The following RSPO2 variants were observed in gnomAD, a reference collection of about 807,000 sequenced individuals.
The protein encoded by RSPO2 is R-spondin-2.
In RSPO2, 14 loss-of-function variants were observed where a neutral mutation model predicts 30.9. That is an observed-to-expected ratio of 0.45 (90% confidence interval 0.30 to 0.71). The LOEUF (loss-of-function observed/expected upper bound fraction) is 0.71. Among genes scored for constraint, RSPO2 ranks in the 30% least tolerant of loss-of-function variants. RSPO2 has a pLI of 0.08. For missense variants in RSPO2, 264 were observed against 301.9 expected (o/e 0.87, Z 0.93); for synonymous variants, 107 against 96.4 (o/e 1.11, Z -0.64).
intron 5 of RSPO2, among the ~76,000 whole-genome samples, chr8:107,905,911 G>A (rs546165809): frequency 2.0e-5 from 3 of 151,696 alleles, no homozygotes; most frequent in African/African-American, 4.8e-5. Context: ...AAAAATAGAC[G>A]AGACCTAAAC....
chr8:107,959,174 C>T (rs1813539593), intron 4 of RSPO2, among the ~76,000 whole-genome samples: 1 of 152,136 alleles, frequency 6.6e-6, no homozygotes, highest in Non-Finnish European at 1.5e-5. Context: ...GGGGAGCTTG[C>T]TTTGCATTTT....
intron 5 of RSPO2, among the ~76,000 whole-genome samples, chr8:107,919,276 T>C (rs1333175542): frequency 3.3e-5 from 5 of 152,128 alleles, no homozygotes; most frequent in Non-Finnish European, 7.3e-5. Context: ...GAAACTACCA[T>C]TGCAAAATTA....
At chr8:107,940,328 T>C (rs1812859608) in intron 5 of RSPO2, among the ~76,000 whole-genome samples, 1 of 152,120 alleles carries the variant, frequency 6.6e-6, no homozygotes, top group South Asian at 2.1e-4. Context: ...TAACAGACAC[T>C]AGCCAGAAAT....
intron 2 of RSPO2, among the ~76,000 whole-genome samples, chr8:108,073,447 T>A (rs1255529868): frequency 6.6e-6 from 1 of 152,184 alleles, no homozygotes; most frequent in African/African-American, 2.4e-5. Flanking sequence ...TAAAATGTGC[T>A]GACACAGAAA....
chr8:108,066,694 A>C (rs1812681179), intron 2 of RSPO2, among the ~76,000 whole-genome samples: 1 of 152,212 alleles, frequency 6.6e-6, no homozygotes, highest in Non-Finnish European at 1.5e-5. Context: ...ATAGTACAAA[A>C]ATATCTATAG....
intron 2 of RSPO2, among the ~76,000 whole-genome samples, chr8:107,999,027 C>T (rs1057006013): frequency 1.3e-5 from 2 of 152,144 alleles, no homozygotes; most frequent in African/African-American, 2.4e-5. Context: ...GTCAGTAAGA[C>T]TCCATCTCCA....
chr8:108,034,486 A>G (rs1649212698), intron 2 of RSPO2, among the ~76,000 whole-genome samples: 1 of 152,232 alleles, frequency 6.6e-6, no homozygotes, highest in African/African-American at 2.4e-5. Flanking sequence ...GATATCAGAG[A>G]TTTGCTTTAA....
At chr8:107,932,403 A>G (rs1215567390) in intron 5 of RSPO2, among the ~76,000 whole-genome samples, 1 of 152,188 alleles carries the variant, frequency 6.6e-6, no homozygotes, top group Non-Finnish European at 1.5e-5. Context: ...AGTAGGCTGA[A>G]GAGCCCATTT....
chr8:108,082,625 A>G lies in RSPO2; in HGVS notation c.14T>C (p.Leu5Pro), dbSNP rs757934532. 21 of 1,613,772 alleles carry G rather than the reference A, an allele frequency of 1.3e-5. No homozygotes were observed. The highest frequency in any genetic ancestry group is 2.7e-5 in the African/African-American group (2 of 74,910). Reference protein sequence around the residue: MQFRLFSFALIILNC... With the variant: MQFRPFSFALIILNC... ...CAGAATGATGAGGGCAAAGGAGAAA[A>G]GGCGAAACTGCATCTGGGCGGTCGG... Residue 5 changes from leucine (L) to proline (P), a missense_variant, in exon 2 of 6, where the codon CTT becomes CCT. Leu to Pro is a moderately conservative substitution (Grantham distance 98). Transcript: ENST00000276659.
At chr8:108,082,170 CAG>C (rs907449494) in intron 2 of RSPO2, among the ~76,000 whole-genome samples, 2 of 151,492 alleles carry the variant, frequency 1.3e-5, no homozygotes, top group African/African-American at 2.4e-5. Context: ...GTTAGGAGGA[CAG>C]AGAGAAGAAC....
In RSPO2 at chr8:108,050,259, G is replaced by T. The variant is rs571614037; in HGVS notation, c.94+32286C>A. Among the ~76,000 whole-genome samples, 6 of 152,232 alleles carry T rather than the reference G, an allele frequency of 3.9e-5. No homozygotes were observed. In the East Asian group the frequency reaches 1.2e-3, roughly 29 times the overall value. ...TCCTAGAAAAAGCCTCCCAGTGAAA[G>T]TAAGTTGCTGGAATATTGGTTTTCA... is the stretch of plus-strand genomic sequence containing the variant. On this transcript the variant is annotated intron_variant, in intron 2 of 5. Coordinates refer to ENST00000276659, the MANE Select transcript of RSPO2 (RefSeq NM_178565.5).
At chr8:107,987,887 C>A (rs1274695550) in intron 3 of RSPO2, among the ~76,000 whole-genome samples, 1 of 152,020 alleles carries the variant, frequency 6.6e-6, no homozygotes, top group Non-Finnish European at 1.5e-5. Context: ...AAATCACTCT[C>A]ATAAATATGA....
intron 2 of RSPO2, among the ~76,000 whole-genome samples, chr8:108,008,026 C>G (rs1815512467): frequency 6.6e-6 from 1 of 152,194 alleles, no homozygotes. Flanking sequence ...GGTTCATACA[C>G]ATAGGCATTC....
intron 2 of RSPO2, among the ~76,000 whole-genome samples, chr8:108,030,119 GAAAAAAAA>G (rs11434221): frequency 4.2e-5 from 3 of 70,992 alleles, no homozygotes; most frequent in Admixed American, 1.8e-4. Context: ...GGATAGATAG[GAAAAAAAA>G]AAAAAAAAAA....
chr8:107,903,752 G>A lies in RSPO2; in HGVS notation c.617-2562C>T, dbSNP rs533771971. ...TTTCCCTCAGAAGTCTCTCTTGAAT[G>A]ACACCTCTTTGCTATTGTTTGGTTG... On this transcript the variant is annotated intron_variant, in intron 5 of 5. Coordinates refer to ENST00000276659, the MANE Select transcript of RSPO2 (RefSeq NM_178565.5). Among the ~76,000 whole-genome samples, 7 of 152,146 alleles carry A rather than the reference G, an allele frequency of 4.6e-5. No individual in the cohort carries two copies. The South Asian group carries it at 1.5e-3, about 32-fold the overall frequency.
chr8:107,978,463 A>G (rs918649189), intron 3 of RSPO2, among the ~76,000 whole-genome samples: 2 of 152,184 alleles, frequency 1.3e-5, no homozygotes, highest in Non-Finnish European at 2.9e-5. Flanking sequence ...TTGCTGGGAA[A>G]ACTGGCTAGC....
intron 5 of RSPO2, among the ~76,000 whole-genome samples, chr8:107,918,533 TA>T (rs1812051021): frequency 6.6e-6 from 1 of 152,102 alleles, no homozygotes; most frequent in Non-Finnish European, 1.5e-5. Context: ...CTGTGGTAAC[TA>T]AAGAATATCA....
chr8:107,961,233 A>T (rs187929367), intron 3 of RSPO2, among the ~76,000 whole-genome samples: 1 of 152,342 alleles, frequency 6.6e-6, no homozygotes, highest in Admixed American at 6.5e-5. Flanking sequence ...TGAGTTAAGA[A>T]TTTTAATTTT....
At position 108,070,198 on chromosome 8, in the gene RSPO2, C is replaced by T. The variant is rs1194107667; in HGVS notation, c.94+12347G>A. ...TTTTAGCTGAGAGTCGTGGCACATG[C>T]CTGTCATCTCAGCTACTCAGGAAGC... is the stretch of plus-strand genomic sequence containing the variant. On this transcript the variant is annotated intron_variant, in intron 2 of 5. Coordinates refer to ENST00000276659, the MANE Select transcript of RSPO2 (RefSeq NM_178565.5). 2.0e-5 allele frequency among the ~76,000 whole-genome samples: 3 copies of T among 151,816 alleles called. No homozygotes were observed. The East Asian group carries it at 5.8e-4, about 29-fold the overall frequency.
Sources: gnomAD v4.1 joint callset for allele counts (sites outside exome capture counted in the v4.1 genomes callset) on GRCh38, gnomAD v4.1.1 for gene constraint, MANE v1.5 for transcripts, NCBI Gene and HGNC (gene_info 2026-07-23, HGNC 2026-07-21) for gene names.